Variants in LINGO2 observed in about 807,000 individuals in gnomAD.
LINGO2 encodes the protein leucine-rich repeat and immunoglobulin-like domain-containing nogo receptor-interacting protein 2.
In LINGO2, 14 loss-of-function variants were observed where a neutral mutation model predicts 30.6. The ratio of observed to expected loss-of-function variants is 0.46; its 90% CI spans 0.30 to 0.72. The LOEUF (loss-of-function observed/expected upper bound fraction) is 0.72, where lower values mean the gene tolerates loss of function less well. Among genes scored for constraint, LINGO2 ranks in the 30% least tolerant of loss-of-function variants. The pLI is 0.07. For missense variants in LINGO2, 729 were observed against 751.7 expected (o/e 0.97, Z 0.35); for synonymous variants, 317 against 288.5 (o/e 1.10, Z -1.00).
Position 27,950,028 on chromosome 9 carries a change from T to C in LINGO2, c.644A>G (p.Asn215Ser), listed in dbSNP as rs200852046. ...TCTTTTAAAGGCATACACAGGCATA[T>C]TGTTGATATTGAGATGCTTCAGATG... The change falls in exon 6 of 6, where the codon AAT (asparagine) becomes AGT (serine). Residue 215 changes from asparagine (N) to serine (S), a missense_variant. Transcript: ENST00000379992. 18 of 1,613,960 alleles carry C rather than the reference T, an allele frequency of 1.1e-5. No homozygotes were observed. The highest frequency in any genetic ancestry group is 1.3e-5 in the Non-Finnish European group (15 of 1,180,002).
chr9:28,709,267 G>A, the LINGO2 span, among the ~76,000 whole-genome samples: 1 of 151,962 alleles, frequency 6.6e-6, no homozygotes, highest in Admixed American at 6.6e-5. Context: ...GTTAAAGGAT[G>A]CCTGACTGGA....
the LINGO2 span, among the ~76,000 whole-genome samples, chr9:29,070,995 A>G: frequency 1.3e-5 from 2 of 150,964 alleles, no homozygotes; most frequent in African/African-American, 4.9e-5. Flanking sequence ...GTATAAATCT[A>G]TCATTCCATT....
the LINGO2 span, among the ~76,000 whole-genome samples, chr9:29,174,549 A>G: frequency 3.3e-5 from 5 of 152,124 alleles, no homozygotes; most frequent in Non-Finnish European, 7.3e-5. Flanking sequence ...CTTTCAACTA[A>G]GCTTTTGAAA....
chr9:28,872,319 T>C, the LINGO2 span, among the ~76,000 whole-genome samples: 9,259 of 152,150 alleles, frequency 0.061, 931 homozygotes, highest in African/African-American at 0.21. Flanking sequence ...ATTTCCTTTT[T>C]TTTTGACATC....
intron 5 of LINGO2, among the ~76,000 whole-genome samples, chr9:27,988,181 C>T (rs1410139268): frequency 6.6e-6 from 1 of 151,746 alleles, no homozygotes; most frequent in Non-Finnish European, 1.5e-5. Flanking sequence ...AGGACATGAA[C>T]TCATTTTTTA....
the LINGO2 span, among the ~76,000 whole-genome samples, chr9:29,142,495 A>G: frequency 2.6e-5 from 4 of 151,806 alleles, no homozygotes; most frequent in Non-Finnish European, 4.4e-5. Flanking sequence ...ACCTTAAAAA[A>G]ATAGAAAAAG....
chr9:28,391,353 A>C (rs969323122), intron 2 of LINGO2, among the ~76,000 whole-genome samples: 1 of 152,188 alleles, frequency 6.6e-6, no homozygotes, highest in African/African-American at 2.4e-5. Flanking sequence ...CCCCATCCTG[A>C]GATTATCTAA....
At chr9:28,965,617 G>A in the LINGO2 span, among the ~76,000 whole-genome samples, 1 of 151,966 alleles carries the variant, frequency 6.6e-6, no homozygotes, top group East Asian at 1.9e-4. Flanking sequence ...CAATACAATA[G>A]GTTTTCCAGC....
At chr9:29,005,764 C>A in the LINGO2 span, among the ~76,000 whole-genome samples, 5 of 151,896 alleles carry the variant, frequency 3.3e-5, no homozygotes, top group Non-Finnish European at 7.4e-5. Context: ...ATTTTTGAAC[C>A]ACATTTGGTT....
At chr9:27,992,743 T>C (rs1821460738) in intron 5 of LINGO2, among the ~76,000 whole-genome samples, 2 of 152,110 alleles carry the variant, frequency 1.3e-5, no homozygotes, top group Admixed American at 1.3e-4. Flanking sequence ...GTTTTCTCTT[T>C]TTTCCTTCTC....
chr9:28,068,157 T>C (rs1825369152), intron 4 of LINGO2, among the ~76,000 whole-genome samples: 1 of 152,166 alleles, frequency 6.6e-6, no homozygotes. Context: ...ATGTAGTGTA[T>C]GCATATACAC....
intron 2 of LINGO2, among the ~76,000 whole-genome samples, chr9:28,382,234 C>A (rs573572044): frequency 6.6e-6 from 1 of 152,096 alleles, no homozygotes; most frequent in African/African-American, 2.4e-5. Flanking sequence ...GATTATTAAG[C>A]TATCTCAGCT....
At chr9:27,978,630 C>T (rs1385110159) in intron 5 of LINGO2, among the ~76,000 whole-genome samples, 1 of 152,010 alleles carries the variant, frequency 6.6e-6, no homozygotes, top group East Asian at 1.9e-4. Flanking sequence ...CTATGCAAAA[C>T]TGTGAGAAAT....
chr9:27,958,834 C>A (rs754278850), intron 5 of LINGO2, among the ~76,000 whole-genome samples: 18 of 152,110 alleles, frequency 1.2e-4, no homozygotes, highest in Non-Finnish European at 2.1e-4. Flanking sequence ...TTTTTGTTCT[C>A]TTTTTCCTAA....
At chr9:28,268,768 A>G (rs1209141570) in intron 4 of LINGO2, among the ~76,000 whole-genome samples, 2 of 152,152 alleles carry the variant, frequency 1.3e-5, no homozygotes, top group Admixed American at 6.5e-5. Flanking sequence ...AAACTAGAAC[A>G]TGCTGTAGAC....
the LINGO2 span, among the ~76,000 whole-genome samples, chr9:28,948,086 T>C: frequency 6.6e-6 from 1 of 152,078 alleles, no homozygotes; most frequent in Non-Finnish European, 1.5e-5. Flanking sequence ...TTGATGACAC[T>C]ATTGCTTGCA....
the LINGO2 span, among the ~76,000 whole-genome samples, chr9:29,189,716 G>A: frequency 1.3e-5 from 2 of 152,160 alleles, no homozygotes; most frequent in Non-Finnish European, 2.9e-5. Context: ...CTCCAGCCTG[G>A]GCACGGTTGA....
intron 5 of LINGO2, among the ~76,000 whole-genome samples, chr9:27,956,387 TC>T (rs1377803846): frequency 6.6e-6 from 1 of 152,236 alleles, no homozygotes; most frequent in African/African-American, 2.4e-5. Flanking sequence ...AACATTTTTC[TC>T]ACTTTTAATT....
intron 1 of LINGO2, among the ~76,000 whole-genome samples, chr9:28,631,168 T>TA (rs1456740462): frequency 2.6e-5 from 4 of 152,096 alleles, no homozygotes; most frequent in African/African-American, 9.7e-5. Flanking sequence ...TTTATTTATT[T>TA]TTTTATTATA....
Sources: gnomAD v4.1 joint callset for allele counts (sites outside exome capture counted in the v4.1 genomes callset) on GRCh38, gnomAD v4.1.1 for gene constraint, MANE v1.5 for transcripts, NCBI Gene and HGNC (gene_info 2026-07-23, HGNC 2026-07-21) for gene names.